The following SSH2 variants were observed in gnomAD, a reference collection of about 807,000 sequenced individuals.
SSH2 encodes protein phosphatase Slingshot homolog 2.
Under a neutral mutation model 135.2 loss-of-function variants are expected in SSH2, and 37 were observed. The ratio of observed to expected loss-of-function variants is 0.27; its 90% CI spans 0.21 to 0.36. The LOEUF is 0.36. Ranked by LOEUF, SSH2 falls within the 10% of genes least tolerant of loss-of-function variation. The probability of loss-of-function intolerance (pLI) is 1.00; values close to 1 mark genes in which losing one functional copy is unlikely to be tolerated. For missense variants in SSH2, 1,408 were observed against 1,765.3 expected, an observed-to-expected ratio of 0.80 and a Z score of 3.63; for synonymous variants, 628 against 646.2, an observed-to-expected ratio of 0.97 and a Z score of 0.43.
chr17:29,848,780 T>C, intron 2 of SSH2, 69 bp downstream of exon 2: 1 of 1,030,466 alleles, frequency 9.7e-7, no homozygotes, highest in South Asian at 1.5e-5. Context: ...TTGCATTTAA[T>C]AGCCAAATTT....
chr17:29,815,768 T>C (rs1567991914), intron 2 of SSH2, among the ~76,000 whole-genome samples: 4 of 152,232 alleles, frequency 2.6e-5, no homozygotes, highest in Admixed American at 1.3e-4. Context: ...GCTACAGCCA[T>C]GTGAACTCAG....
At chr17:29,773,466 T>G (rs567952709) in intron 3 of SSH2, among the ~76,000 whole-genome samples, 1 of 152,198 alleles carries the variant, frequency 6.6e-6, no homozygotes, top group Non-Finnish European at 1.5e-5. Flanking sequence ...CATGAATAGA[T>G]GGCAAACATT....
intron 3 of SSH2, among the ~76,000 whole-genome samples, chr17:29,724,980 A>G (rs1159363498): frequency 1.3e-5 from 2 of 152,038 alleles, no homozygotes; most frequent in Non-Finnish European, 2.9e-5. Context: ...TTCATTCAAC[A>G]GGTATTTGTT....
chr17:29,797,460 C>T (rs899822400), intron 2 of SSH2, among the ~76,000 whole-genome samples: 4 of 152,164 alleles, frequency 2.6e-5, no homozygotes, highest in African/African-American at 4.8e-5. Context: ...ATAATGTTTT[C>T]GAGATTCATC....
chr17:29,675,469 G>A (rs1040547081), intron 8 of SSH2, among the ~76,000 whole-genome samples: 2 of 152,112 alleles, frequency 1.3e-5, no homozygotes, highest in Non-Finnish European at 2.9e-5. Flanking sequence ...TTCTCTGGTT[G>A]TATTAGATAA....
At chr17:29,661,058 T>C (rs1373349134) in intron 11 of SSH2, among the ~76,000 whole-genome samples, 6 of 114,378 alleles carry the variant, frequency 5.2e-5, no homozygotes, top group African/African-American at 1.8e-4. Context: ...TGAAATTCCA[T>C]CTCAAAAAAA....
chr17:29,810,101 A>G (rs1003718307), intron 2 of SSH2, among the ~76,000 whole-genome samples: 10 of 152,206 alleles, frequency 6.6e-5, no homozygotes, highest in Non-Finnish European at 1.2e-4. Flanking sequence ...AATTTTGAAT[A>G]AATGACTAAT....
chr17:29,663,367 C>T lies in SSH2; in HGVS notation c.1032+3500G>A, dbSNP rs117826907. On this transcript the variant is annotated intron_variant, in intron 11 of 15. Coordinates refer to ENST00000540801, the MANE Select transcript of SSH2 (RefSeq NM_001282129.2). ...CTTGCAGCTAGAATGCCTCTTTTTC[C>T]GTGTCAACTGCTAGGAAAGCCAGCA... Among the ~76,000 whole-genome samples the T allele has an allele frequency of 1.2e-4, 19 of 152,304 alleles. No individual in the cohort carries two copies. In the East Asian group the frequency reaches 3.3e-3, roughly 26 times the overall value.
At chr17:29,667,265 T>C (rs778750523) in intron 9 of SSH2, 42 bp from the exon 10 acceptor site, 2 of 1,238,586 alleles carry the variant, frequency 1.6e-6, no homozygotes, top group Non-Finnish European at 2.3e-6. Context: ...ACGATATTCT[T>C]AATAACGATT....
intron 2 of SSH2, among the ~76,000 whole-genome samples, chr17:29,827,381 T>A (rs2042764580): frequency 6.6e-6 from 1 of 152,146 alleles, no homozygotes; most frequent in African/African-American, 2.4e-5. Flanking sequence ...AAATCCCAGT[T>A]TGATTGTTTC....
At chr17:29,744,507 A>G (rs2040688076) in intron 3 of SSH2, among the ~76,000 whole-genome samples, 1 of 152,206 alleles carries the variant, frequency 6.6e-6, no homozygotes, top group Admixed American at 6.5e-5. Context: ...CTTTACTGAT[A>G]ATGTATAATC....
chr17:29,659,555 G>T (rs2036933686), intron 11 of SSH2, among the ~76,000 whole-genome samples: 4 of 152,132 alleles, frequency 2.6e-5, no homozygotes, highest in Non-Finnish European at 2.9e-5. Flanking sequence ...GACGAGACTT[G>T]CTCTGTCACC....
chr17:29,815,506 C>T (rs2042542577), intron 2 of SSH2, among the ~76,000 whole-genome samples: 1 of 152,194 alleles, frequency 6.6e-6, no homozygotes, highest in African/African-American at 2.4e-5. Context: ...GCTGATCTGC[C>T]TGCCTCGGCC....
chr17:29,714,988 T>C (rs1219126261), intron 3 of SSH2, among the ~76,000 whole-genome samples: 2 of 152,070 alleles, frequency 1.3e-5, no homozygotes, highest in Admixed American at 1.3e-4. Flanking sequence ...TGCCTCAGCC[T>C]CCAGAGTAGC....
intron 3 of SSH2, among the ~76,000 whole-genome samples, chr17:29,733,096 C>T (rs2040251997): frequency 6.6e-6 from 1 of 152,188 alleles, no homozygotes; most frequent in Non-Finnish European, 1.5e-5. Context: ...TGGGAAGAGT[C>T]TTCCAGCAGT....
chr17:29,721,857 C>T (rs2039833124), intron 3 of SSH2, among the ~76,000 whole-genome samples: 1 of 152,106 alleles, frequency 6.6e-6, no homozygotes, highest in Non-Finnish European at 1.5e-5. Context: ...CTATTACTAA[C>T]AAGATTAGTC....
chr17:29,816,832 G>A (rs1479884048), intron 2 of SSH2, among the ~76,000 whole-genome samples: 1 of 152,058 alleles, frequency 6.6e-6, no homozygotes, highest in Non-Finnish European at 1.5e-5. Flanking sequence ...TAACACACTG[G>A]AAATCATAAG....
chr17:29,844,100 T>A lies in SSH2; in HGVS notation c.144+4749A>T, dbSNP rs1599079005. Among the ~76,000 whole-genome samples the A allele has an allele frequency of 2.0e-5, 3 of 152,278 alleles. No individual in the cohort carries two copies. The East Asian group carries it at 5.8e-4, about 29-fold the overall frequency. ...TCTTTAATAACACAAAAGGCTAACA[T>A]CTCTTCCTTTCACTGGGCTATTCAA... is the stretch of plus-strand genomic sequence containing the variant. On this transcript the variant is annotated intron_variant, in intron 2 of 15. Coordinates refer to ENST00000540801, the MANE Select transcript of SSH2 (RefSeq NM_001282129.2).
At chr17:29,748,926 T>C (rs1188817148) in intron 3 of SSH2, among the ~76,000 whole-genome samples, 1 of 152,198 alleles carries the variant, frequency 6.6e-6, no homozygotes, top group Non-Finnish European at 1.5e-5. Context: ...CCTAGCAATA[T>C]GTTAAATGAA....
Sources: allele counts gnomAD v4.1 joint callset (sites outside exome capture counted in the v4.1 genomes callset), GRCh38; gene constraint gnomAD v4.1.1; transcripts MANE v1.5; gene names NCBI Gene and HGNC (gene_info 2026-07-23, HGNC 2026-07-21).